The following DCLRE1C variants were observed in gnomAD, a reference collection of about 807,000 sequenced individuals.
DCLRE1C encodes protein artemis.
In DCLRE1C, 47 loss-of-function variants were observed where a neutral mutation model predicts 61.4. The ratio of observed to expected loss-of-function variants is 0.77; its 90% CI spans 0.61 to 0.98. The LOEUF (loss-of-function observed/expected upper bound fraction) is 0.98, where lower values mean the gene tolerates loss of function less well. DCLRE1C is among the 50% of genes least tolerant of loss of function. The probability of loss-of-function intolerance (pLI) is 0.00; values close to 1 mark genes in which losing one functional copy is unlikely to be tolerated. For missense variants in DCLRE1C, 858 were observed against 816.0 expected, an observed-to-expected ratio of 1.05 and a Z score of -0.63; for synonymous variants, 337 against 287.6, an observed-to-expected ratio of 1.17 and a Z score of -1.74.
intron 5 of DCLRE1C, among the ~76,000 whole-genome samples, chr10:14,935,948 C>T (rs922906060): frequency 1.3e-5 from 2 of 152,136 alleles, no homozygotes; most frequent in African/African-American, 4.8e-5. Context: ...TTGCTCTGTC[C>T]CCCAGGCTGC....
intron 1 of DCLRE1C, among the ~76,000 whole-genome samples, chr10:14,951,796 AC>A (rs1437225161): frequency 6.6e-6 from 1 of 152,152 alleles, no homozygotes; most frequent in African/African-American, 2.4e-5. Flanking sequence ...GTAGGACCCC[AC>A]TTAAACTTAT....
At chr10:14,933,625 A>G (rs1160211323) in intron 8 of DCLRE1C, among the ~76,000 whole-genome samples, 1 of 152,144 alleles carries the variant, frequency 6.6e-6, no homozygotes, top group African/African-American at 2.4e-5. Context: ...CGACAGAGCA[A>G]GACAGTCTCA....
intron 9 of DCLRE1C, among the ~76,000 whole-genome samples, chr10:14,928,888 G>A (rs1180030615): frequency 6.6e-6 from 1 of 151,112 alleles, no homozygotes; most frequent in Admixed American, 6.6e-5. Flanking sequence ...GTTCAAGCAA[G>A]TCTCATGTGT....
intron 9 of DCLRE1C, among the ~76,000 whole-genome samples, 174 bp from the exon 10 acceptor site, chr10:14,928,326 G>A (rs1269228633): frequency 6.6e-6 from 1 of 152,080 alleles, no homozygotes; most frequent in Non-Finnish European, 1.5e-5. Flanking sequence ...CCAAATTGGG[G>A]AATATTGTGC....
intron 13 of DCLRE1C, among the ~76,000 whole-genome samples, chr10:14,911,028 C>A (rs1306503752): frequency 6.6e-6 from 1 of 152,134 alleles, no homozygotes; most frequent in Non-Finnish European, 1.5e-5. Context: ...GTTTACAGAG[C>A]AGAAGACCAG....
exon 14 of DCLRE1C, chr10:14,898,278 T>A (rs2131707739): frequency 6.8e-6 from 1 of 146,540 alleles, no homozygotes; most frequent in Non-Finnish European, 1.5e-5. Context: ...TTGAGTACCT[T>A]GCCCAAGGTC....
chr10:14,923,061 A>G lies in DCLRE1C; in HGVS notation c.981T>C (p.Asp327=). 1 of 1,613,490 alleles carries G rather than the reference A, an allele frequency of 6.2e-7. No homozygotes were observed. The highest frequency in any genetic ancestry group is 8.5e-7 in the Non-Finnish European group (1 of 1,179,408). Residue 327 remains aspartate (D), a synonymous_variant, in exon 12 of 14, where the codon GAT becomes GAC. Coordinates refer to ENST00000378278, the MANE Select transcript of DCLRE1C (RefSeq NM_001033855.3). The part of the protein sequence containing the change: ...SFHSSYSEIK[D]FLSYLCPVNA... ...TCACAGGACAGAGGTAGCTCAAGAA[A>G]TCTTTAATCTAGAAAAAGGAAAATC...
At chr10:14,936,370 A>G (rs963865004) in intron 5 of DCLRE1C, among the ~76,000 whole-genome samples, 168 bp downstream of exon 5, 4 of 146,232 alleles carry the variant, frequency 2.7e-5, no homozygotes, top group Non-Finnish European at 6.0e-5. Context: ...GCAGCCTCCA[A>G]CTCCCAAGCT....
At chr10:14,944,137 G>C (rs1462709994) in intron 3 of DCLRE1C, among the ~76,000 whole-genome samples, 5 of 152,094 alleles carry the variant, frequency 3.3e-5, no homozygotes, top group Non-Finnish European at 7.3e-5. Flanking sequence ...TTAAATAAAA[G>C]GATTTAGCAA....
At chr10:14,948,969 T>C (rs1285155646) in intron 2 of DCLRE1C, 67 bp downstream of exon 2, 2 of 1,129,720 alleles carry the variant, frequency 1.8e-6, no homozygotes, top group Admixed American at 3.5e-5. Flanking sequence ...TGTATATACT[T>C]TTCTGTACAG....
chr10:14,902,546 A>T (rs1564348157), downstream of DCLRE1C: 3 of 1,347,738 alleles, frequency 2.2e-6, no homozygotes, highest in Non-Finnish European at 3.0e-6. Context: ...TGATTATAAT[A>T]TTTTTTTCCT....
At position 14,908,584 on chromosome 10, in the gene DCLRE1C, T is replaced by C. The variant is rs1051813612; in HGVS notation, c.1903A>G (p.Ser635Gly). 6.2e-7 allele frequency: 1 copy of C among 1,614,098 alleles called. No individual in the cohort carries two copies. Among genetic ancestry groups the C allele is most frequent in the East Asian group, 2.2e-5 (1 of 44,870 alleles). Residue 635 changes from serine to glycine, a missense_variant, in exon 14 of 14, where the codon AGT (serine) becomes GGT (glycine). Ser to Gly is a moderately conservative substitution (Grantham distance 56). Coordinates refer to ENST00000378278, the MANE Select transcript of DCLRE1C (RefSeq NM_001033855.3). ...GCATTTGTGCTAAGATTTAGCAAACTTTTTTCCTCGGGTATATGTGTCTCA... is the reference window on the plus strand; with the variant it reads ...GCATTTGTGCTAAGATTTAGCAAACCTTTTTCCTCGGGTATATGTGTCTCA... ...SSETHIPEEK[S>G]LLNLSTNADS...
chr10:14,926,123 C>A (rs1837934127), intron 11 of DCLRE1C, among the ~76,000 whole-genome samples: 1 of 152,216 alleles, frequency 6.6e-6, no homozygotes, highest in African/African-American at 2.4e-5. Context: ...TTTCCTTCCT[C>A]ATACCCATCT....
chr10:14,920,526 C>G (rs145765573), intron 12 of DCLRE1C: 14 of 526,188 alleles, frequency 2.7e-5, no homozygotes, highest in African/African-American at 2.5e-4. Context: ...CGTCCTCACC[C>G]CTGTTCCCAC....
intron 3 of DCLRE1C, chr10:14,942,184 C>G (rs1840962489): frequency 6.6e-6 from 1 of 152,352 alleles, no homozygotes; most frequent in African/African-American, 2.4e-5. Context: ...CCGTGTGCAG[C>G]TCCTCCGAGT....
intron 8 of DCLRE1C, among the ~76,000 whole-genome samples, chr10:14,934,130 C>A (rs1022297655): frequency 6.6e-6 from 1 of 152,012 alleles, no homozygotes; most frequent in Non-Finnish European, 1.5e-5. Context: ...GAGTTCAAGA[C>A]CAGCCTGGCC....
At chr10:14,950,570 C>T (rs1052687955) in intron 1 of DCLRE1C, among the ~76,000 whole-genome samples, 1 of 152,130 alleles carries the variant, frequency 6.6e-6, no homozygotes, top group African/African-American at 2.4e-5. Flanking sequence ...CACCTGTCTC[C>T]CACTGGGTAA....
chr10:14,907,844 A>T lies in DCLRE1C; in HGVS notation c.*564T>A, dbSNP rs926458701. On this transcript the variant is annotated 3_prime_UTR_variant, in exon 14 of 14. Transcript: ENST00000378278. ...CATTGATACGTATGGGTTTAGTTCTACCATTTTTTTTTCTTTTTTTTTTTT... is the reference window on the plus strand; with the variant it reads ...CATTGATACGTATGGGTTTAGTTCTTCCATTTTTTTTTCTTTTTTTTTTTT... The T allele has an allele frequency of 7.1e-6, 1 of 140,144 alleles. No homozygotes were observed. The highest frequency in any genetic ancestry group is 7.4e-5 in the Admixed American group (1 of 13,452). 8.7% of individuals were successfully genotyped at this position (140,144 alleles called of 1,614,324 possible).
rs1182658127 is a variant in DCLRE1C at position 14,935,452 on chromosome 10, AG to A, written c.464+10del. The A allele has an allele frequency of 6.2e-7, 1 of 1,612,914 alleles. No homozygotes were observed. Among genetic ancestry groups the A allele is most frequent in the East Asian group, 2.2e-5 (1 of 44,864 alleles). The stretch of plus-strand genomic sequence containing the variant: ...AATAAAATAAAATAAAACCTATACG[AG>A]GCCCAGTACCTGCCCCCGGAGTGCA... On this transcript the variant is annotated intron_variant, in intron 6 of 13. Transcript: ENST00000378278.
Sources: gnomAD v4.1 joint callset for allele counts (sites outside exome capture counted in the v4.1 genomes callset) on GRCh38, gnomAD v4.1.1 for gene constraint, MANE v1.5 for transcripts, NCBI Gene and HGNC (gene_info 2026-07-23, HGNC 2026-07-21) for gene names.